Variants in PRKCH observed in about 807,000 individuals in gnomAD.
The protein encoded by PRKCH is protein kinase C eta, also known as protein kinase C eta type.
A neutral mutation model predicts 82.5 loss-of-function variants in PRKCH; 28 were observed. The observed-to-expected ratio is 0.34, with a 90% CI of 0.25 to 0.47. The LOEUF is 0.47. PRKCH is among the 20% of genes least tolerant of loss of function. The pLI is 1.00. For missense variants in PRKCH, 705 were observed against 881.8 expected, an observed-to-expected ratio of 0.80 and a Z score of 2.54; for synonymous variants, 322 against 327.4, an observed-to-expected ratio of 0.98 and a Z score of 0.18.
At chr14:61,387,821 A>G (rs904230089) in intron 1 of PRKCH, among the ~76,000 whole-genome samples, 6 of 152,198 alleles carry the variant, frequency 3.9e-5, no homozygotes, top group African/African-American at 1.2e-4. Context: ...TAGCATGTTC[A>G]TATTTTCTGT....
At chr14:61,229,864 A>G (rs1469707974) in intron 1 of PRKCH, among the ~76,000 whole-genome samples, 3 of 152,178 alleles carry the variant, frequency 2.0e-5, no homozygotes, top group Non-Finnish European at 4.4e-5. Context: ...CACAGAAGCC[A>G]GTCAGAATGC....
intron 10 of PRKCH, among the ~76,000 whole-genome samples, chr14:61,496,450 C>T (rs4243619): frequency 0.94 from 142,796 of 152,232 alleles, 67,626 homozygotes; most frequent in East Asian, 1. Flanking sequence ...CACGTTTCCC[C>T]CTGCTTAGAA....
intron 1 of PRKCH, among the ~76,000 whole-genome samples, chr14:61,344,885 G>T (rs1445498911): frequency 1.3e-5 from 2 of 152,138 alleles, no homozygotes; most frequent in Admixed American, 1.3e-4. Context: ...TTTTAGCCCG[G>T]TGGCCACCCT....
At chr14:61,393,693 G>T (rs941444922) in intron 2 of PRKCH, among the ~76,000 whole-genome samples, 2 of 152,158 alleles carry the variant, frequency 1.3e-5, no homozygotes, top group Non-Finnish European at 2.9e-5. Flanking sequence ...TTCTTTCTGT[G>T]GCCCCATCTT....
At chr14:61,538,126 C>T (rs750856679) in intron 12 of PRKCH, among the ~76,000 whole-genome samples, 3 of 152,162 alleles carry the variant, frequency 2.0e-5, no homozygotes, top group East Asian at 1.9e-4. Context: ...AAATGGGACC[C>T]GAGTAACGCA....
At chr14:61,353,396 T>C (rs1289784289) in intron 1 of PRKCH, 1 of 152,234 alleles carries the variant, frequency 6.6e-6, no homozygotes, top group East Asian at 1.9e-4. Context: ...TGTTTGAGAC[T>C]TATTTATATT....
At chr14:61,187,657 A>G (rs1002191432) in exon 1 of PRKCH, 1 of 152,384 alleles carries the variant, frequency 6.6e-6, no homozygotes, top group Non-Finnish European at 1.5e-5. Context: ...CCAGGATCGT[A>G]TCAGGGTCTG....
At chr14:61,286,005 C>T (rs544647896) in intron 1 of PRKCH, among the ~76,000 whole-genome samples, 9 of 152,284 alleles carry the variant, frequency 5.9e-5, no homozygotes, top group African/African-American at 2.2e-4. Flanking sequence ...TGTTTTAAAT[C>T]CAACTTTTGT....
chr14:61,294,303 G>A (rs557210298), intron 1 of PRKCH, among the ~76,000 whole-genome samples: 2 of 152,004 alleles, frequency 1.3e-5, no homozygotes, highest in Non-Finnish European at 2.9e-5. Context: ...CCTATTTTTA[G>A]TAGAGATGGG....
At chr14:61,528,464 G>A (rs1241427867) in intron 10 of PRKCH, among the ~76,000 whole-genome samples, 1 of 152,154 alleles carries the variant, frequency 6.6e-6, no homozygotes, top group Non-Finnish European at 1.5e-5. Context: ...AAAGTGTTGG[G>A]ATTACAGGCA....
At chr14:61,211,550 A>G (rs1401805705) in intron 1 of PRKCH, among the ~76,000 whole-genome samples, 3 of 152,192 alleles carry the variant, frequency 2.0e-5, no homozygotes, top group African/African-American at 7.2e-5. Flanking sequence ...TGCATATAGT[A>G]GGTACTCTGT....
intron 1 of PRKCH, among the ~76,000 whole-genome samples, chr14:61,313,540 C>A (rs1196665662): frequency 6.6e-6 from 1 of 152,062 alleles, no homozygotes. Context: ...CGGTGATCAG[C>A]CTCAACCTCC....
intron 10 of PRKCH, among the ~76,000 whole-genome samples, chr14:61,505,406 T>TTC (rs1330953488): frequency 3.2e-5 from 4 of 125,312 alleles, no homozygotes; most frequent in African/African-American, 1.2e-4. Context: ...TTTTTTTTTT[T>TTC]TTTTTTTTTT....
intron 2 of PRKCH, among the ~76,000 whole-genome samples, chr14:61,408,324 A>G (rs1882076921): frequency 6.6e-6 from 1 of 152,092 alleles, no homozygotes; most frequent in Non-Finnish European, 1.5e-5. Context: ...GGATCAGAAG[A>G]TTAGCCTGCT....
At chr14:61,224,464 C>G (rs980407244) in intron 1 of PRKCH, among the ~76,000 whole-genome samples, 1 of 152,168 alleles carries the variant, frequency 6.6e-6, no homozygotes, top group African/African-American at 2.4e-5. Flanking sequence ...CATTGGTTGT[C>G]TTGTCTTCTT....
At chr14:61,393,281 C>T (rs901100556) in intron 2 of PRKCH, among the ~76,000 whole-genome samples, 2 of 152,110 alleles carry the variant, frequency 1.3e-5, no homozygotes, top group African/African-American at 4.8e-5. Flanking sequence ...GTTTTAGAGT[C>T]AGCTTATATA....
intron 1 of PRKCH, among the ~76,000 whole-genome samples, chr14:61,258,917 T>C (rs1205341697): frequency 1.3e-5 from 2 of 152,222 alleles, no homozygotes; most frequent in African/African-American, 2.4e-5. Flanking sequence ...TTAGTCTCAG[T>C]GATTGTTAGC....
chr14:61,187,717 C>T (rs1308280324), intron 1 of PRKCH: 2 of 152,190 alleles, frequency 1.3e-5, no homozygotes, highest in East Asian at 3.9e-4. Flanking sequence ...CGTCAGCAAT[C>T]TTGTTCAGAG....
At chr14:61,488,879 C>G (rs1886338949) in intron 10 of PRKCH, among the ~76,000 whole-genome samples, 1 of 152,134 alleles carries the variant, frequency 6.6e-6, no homozygotes, top group Non-Finnish European at 1.5e-5. Context: ...TGGTTCAGTT[C>G]TGAGAATTGA....
Sources: allele counts gnomAD v4.1 joint callset (sites outside exome capture counted in the v4.1 genomes callset), GRCh38; gene constraint gnomAD v4.1.1; transcripts MANE v1.5; gene names NCBI Gene and HGNC (gene_info 2026-07-23, HGNC 2026-07-21).